Variants in SVIL observed in about 807,000 individuals in gnomAD.
SVIL encodes the protein archvillin.
In SVIL, 101 loss-of-function variants were observed where a neutral mutation model predicts 240.4. The ratio of observed to expected loss-of-function variants is 0.42; its 90% CI spans 0.36 to 0.50. SVIL has a LOEUF of 0.50. Ranked by LOEUF, SVIL falls within the 20% of genes least tolerant of loss-of-function variation. The pLI, the probability that SVIL is intolerant of heterozygous loss-of-function variation, is 0.01. For missense variants in SVIL, 2,512 were observed against 2,818.7 expected, an observed-to-expected ratio of 0.89 and a Z score of 2.46; for synonymous variants, 999 against 1,100.0, an observed-to-expected ratio of 0.91 and a Z score of 1.82.
chr10:29,485,594 A>G (rs573405772), intron 26 of SVIL, among the ~76,000 whole-genome samples: 3 of 152,246 alleles, frequency 2.0e-5, no homozygotes, highest in East Asian at 1.9e-4. Context: ...CTTCCACCCA[A>G]TTAAACTTAA....
In SVIL at chr10:29,527,024, G is replaced by T; in HGVS notation, c.2279C>A (p.Thr760Asn). 6.2e-7 allele frequency: 1 copy of T among 1,613,820 alleles called. No homozygotes were observed. Among genetic ancestry groups the T allele is most frequent in the Non-Finnish European group, 8.5e-7 (1 of 1,179,886 alleles). Residue 760 changes from threonine to asparagine, a missense_variant, in exon 13 of 38, where the codon ACC becomes AAC. Transcript: ENST00000355867. ...EPIPASCSGGTHPVMARLPSP... is the reference protein window; with the variant it reads ...EPIPASCSGGNHPVMARLPSP... Reference sequence around the variant, plus strand: ...AGGAAGTCTCGCCATTACAGGGTGGGTGCCCCCAGAACACGAAGCGGGGAT... The same window carrying T: ...AGGAAGTCTCGCCATTACAGGGTGGTTGCCCCCAGAACACGAAGCGGGGAT...
chr10:29,606,804 GA>G (rs1957041134), intron 1 of SVIL, among the ~76,000 whole-genome samples: 1 of 152,124 alleles, frequency 6.6e-6, no homozygotes, highest in Non-Finnish European at 1.5e-5. Context: ...GCCCAGGCTG[GA>G]GTGCAGTGGC....
chr10:29,508,459 T>A, intron 17 of SVIL: 1 of 1,227,026 alleles, frequency 8.1e-7, no homozygotes. Context: ...GGCATCGCAA[T>A]CACCTTCAAG....
chr10:29,645,741 A>G (rs947459699), intron 3 of SVIL, among the ~76,000 whole-genome samples: 2 of 152,254 alleles, frequency 1.3e-5, no homozygotes, highest in African/African-American at 4.8e-5. Flanking sequence ...AGCAGATCAG[A>G]TAACCCTTTG....
chr10:29,573,683 C>A (rs1319107935), intron 1 of SVIL, among the ~76,000 whole-genome samples: 14 of 151,522 alleles, frequency 9.2e-5, no homozygotes, highest in Admixed American at 8.6e-4. Context: ...TATTTATTTG[C>A]AGAGAAATTC....
intron 2 of SVIL, among the ~76,000 whole-genome samples, chr10:29,673,534 C>T (rs560484995): frequency 4.2e-5 from 6 of 142,548 alleles, no homozygotes; most frequent in African/African-American, 1.6e-4. Flanking sequence ...AAAATCATGG[C>T]GGAAGGCAAA....
chr10:29,506,260 C>T (rs143565656), intron 17 of SVIL, among the ~76,000 whole-genome samples: 2,000 of 151,918 alleles, frequency 0.013, 49 homozygotes, highest in African/African-American at 0.045. Flanking sequence ...TCATTTCCCC[C>T]GTTCGTGATG....
upstream of SVIL, among the ~76,000 whole-genome samples, chr10:29,636,533 G>A (rs1023290867): frequency 3.9e-5 from 6 of 152,174 alleles, no homozygotes; most frequent in African/African-American, 1.4e-4. Flanking sequence ...GAGTCTAATA[G>A]GGTAAATCTC....
intron 1 of SVIL, among the ~76,000 whole-genome samples, chr10:29,580,977 G>T (rs1265445904): frequency 6.6e-6 from 1 of 152,176 alleles, no homozygotes; most frequent in Non-Finnish European, 1.5e-5. Context: ...ACAGTATAGG[G>T]GAGTGTGATA....
At chr10:29,675,688 T>A (rs1960148504) in intron 2 of SVIL, among the ~76,000 whole-genome samples, 1 of 152,150 alleles carries the variant, frequency 6.6e-6, no homozygotes, top group African/African-American at 2.4e-5. Context: ...TAATGATTTT[T>A]TCCCCCTTAT....
At chr10:29,642,400 A>C (rs898150815) in intron 3 of SVIL, among the ~76,000 whole-genome samples, 1 of 148,604 alleles carries the variant, frequency 6.7e-6, no homozygotes, top group African/African-American at 2.5e-5. Flanking sequence ...TCAAAAACAG[A>C]AAGAAAGAGA....
intron 17 of SVIL, among the ~76,000 whole-genome samples, chr10:29,506,738 C>T (rs1275927123): frequency 7.9e-6 from 1 of 126,880 alleles, no homozygotes; most frequent in Admixed American, 8.0e-5. Flanking sequence ...AAGGAGGGGA[C>T]AGAGGCCCTA....
chr10:29,606,545 A>C (rs1314201849), intron 1 of SVIL, among the ~76,000 whole-genome samples: 1 of 152,146 alleles, frequency 6.6e-6, no homozygotes, highest in Non-Finnish European at 1.5e-5. Context: ...TTTTACCTCT[A>C]TATACTTCAA....
chr10:29,641,265 TA>T (rs1253921624), intron 3 of SVIL, among the ~76,000 whole-genome samples: 2 of 151,796 alleles, frequency 1.3e-5, no homozygotes, highest in Non-Finnish European at 2.9e-5. Context: ...ATGAATATAA[TA>T]AAAAATAAAG....
intron 33 of SVIL, among the ~76,000 whole-genome samples, chr10:29,466,194 T>G (rs1199150932): frequency 2.6e-5 from 4 of 151,438 alleles, no homozygotes; most frequent in Non-Finnish European, 5.9e-5. Flanking sequence ...CAGATATATG[T>G]ATGTGTATAT....
rs148144327 is a variant in SVIL at position 29,512,056 on chromosome 10, G to T, written c.3516+679C>A. On this transcript the variant is annotated intron_variant, in intron 17 of 37. Coordinates refer to ENST00000355867, the MANE Select transcript of SVIL (RefSeq NM_021738.3). ...CCAGCCAGAAGGTGCATTTGCAATT[G>T]TAGGGCCAGCCAGCAAGTAAGTCAC... Among the ~76,000 whole-genome samples the T allele has an allele frequency of 1.1e-4, 17 of 152,352 alleles. No homozygotes were observed. The East Asian group carries it at 1.9e-3, about 17-fold the overall frequency.
At chr10:29,696,647 C>G (rs1962043552) in intron 1 of SVIL, among the ~76,000 whole-genome samples, 1 of 151,126 alleles carries the variant, frequency 6.6e-6, no homozygotes, top group African/African-American at 2.4e-5. Context: ...GGCCGCGACC[C>G]CGTTTGGGAG....
At chr10:29,696,491 C>T (rs1360910618) in intron 1 of SVIL, among the ~76,000 whole-genome samples, 2 of 150,948 alleles carry the variant, frequency 1.3e-5, no homozygotes. Context: ...GGCTGCCATC[C>T]CACCTGGGAA....
chr10:29,733,388 G>A (rs56014178), intron 1 of SVIL, among the ~76,000 whole-genome samples: 55,653 of 151,882 alleles, frequency 0.37, 10,498 homozygotes, highest in East Asian at 0.49. Context: ...GCAGTGATGC[G>A]ATCATAGCTC....
Sources: gnomAD v4.1 joint callset for allele counts (sites outside exome capture counted in the v4.1 genomes callset) on GRCh38, gnomAD v4.1.1 for gene constraint, MANE v1.5 for transcripts, NCBI Gene and HGNC (gene_info 2026-07-23, HGNC 2026-07-21) for gene names.